Variants in SLC44A3 observed in about 807,000 individuals in gnomAD.
SLC44A3 encodes choline transporter-like protein 3.
A neutral mutation model predicts 75.4 loss-of-function variants in SLC44A3; 74 were observed. The ratio of observed to expected loss-of-function variants is 0.98; its 90% CI spans 0.81 to 1.19. The LOEUF (loss-of-function observed/expected upper bound fraction) is 1.19, where lower values mean the gene tolerates loss of function less well. SLC44A3 is among the 50% of genes most tolerant of loss of function. The pLI, the probability that SLC44A3 is intolerant of heterozygous loss-of-function variation, is 0.00. For synonymous variants in SLC44A3, 310 were observed against 296.9 expected (o/e 1.04, Z -0.45); for missense variants, 700 against 778.6 (o/e 0.90, Z 1.20).
At chr1:94,879,744 C>T (rs1668740381) in intron 12 of SLC44A3, among the ~76,000 whole-genome samples, 1 of 148,012 alleles carries the variant, frequency 6.8e-6, no homozygotes, top group Admixed American at 6.8e-5. Flanking sequence ...GAGGCTGAGG[C>T]AGGAAAATGG....
intron 11 of SLC44A3, among the ~76,000 whole-genome samples, chr1:94,865,674 G>A (rs1348084414): frequency 3.3e-5 from 5 of 152,172 alleles, no homozygotes; most frequent in African/African-American, 1.2e-4. Flanking sequence ...CAAGTCTTCT[G>A]TTCTCACACA....
intron 12 of SLC44A3, among the ~76,000 whole-genome samples, chr1:94,888,466 G>C (rs1422986540): frequency 1.3e-5 from 2 of 152,126 alleles, no homozygotes; most frequent in East Asian, 3.9e-4. Flanking sequence ...GAAAACCCAA[G>C]ATGATTGAAG....
At position 94,865,858 on chromosome 1, in the gene SLC44A3, A is replaced by G. The variant is rs575883300; in HGVS notation, c.1395+959A>G. 2.4e-3 allele frequency among the ~76,000 whole-genome samples: 371 copies of G among 152,342 alleles called. 2 individuals are homozygous for G. In the Middle Eastern group the frequency reaches 0.048, roughly 20 times the overall value. ...GTTTTCATTTACTTTTTAAAAAGAT[A>G]TCTGAATTGTTGATATTTTAAAATC... On this transcript the variant is annotated intron_variant, in intron 11 of 14. Transcript: ENST00000271227.
chr1:94,881,103 G>A (rs6700314), intron 12 of SLC44A3, among the ~76,000 whole-genome samples: 8,459 of 152,168 alleles, frequency 0.056, 347 homozygotes, highest in South Asian at 0.11. Context: ...AATTATAAAC[G>A]TTTTTCACTG....
intron 6 of SLC44A3, among the ~76,000 whole-genome samples, 170 bp from the exon 7 acceptor site, chr1:94,839,778 G>A (rs1313060760): frequency 3.9e-5 from 6 of 152,096 alleles, no homozygotes; most frequent in African/African-American, 7.2e-5. Flanking sequence ...ACTGCCCCAC[G>A]TATACCTTGT....
At chr1:94,840,150 C>A in intron 7 of SLC44A3, 113 bp downstream of exon 7, 3 of 843,968 alleles carry the variant, frequency 3.6e-6, no homozygotes, top group South Asian at 1.6e-5. Context: ...TAAAGAGTAT[C>A]TAGCCCTGTC....
chr1:94,831,494 G>A lies in SLC44A3; in HGVS notation c.509+2908G>A, dbSNP rs1050847666. Among the ~76,000 whole-genome samples, 34 of 152,188 alleles carry A rather than the reference G, an allele frequency of 2.2e-4. 1 individual carries two copies. Among genetic ancestry groups the A allele is most frequent in the African/African-American group, 7.2e-4 (30 of 41,436 alleles). On this transcript the variant is annotated intron_variant, in intron 5 of 14. Transcript: ENST00000271227. ...GTCTGTCGGTCATGTGAGGTATAAC[G>A]TACCCTTTTCGAGTAATGGCTAAAT...
intron 3 of SLC44A3, 98 bp from the exon 4 acceptor site, chr1:94,827,409 C>T (rs892553472): frequency 4.1e-6 from 6 of 1,452,462 alleles, no homozygotes; most frequent in Non-Finnish European, 5.7e-6. Flanking sequence ...CTGGGTGATC[C>T]CTGCATTTGA....
chr1:94,859,306 G>C lies in SLC44A3; in HGVS notation c.1238+1806G>C, dbSNP rs77275233. ...TCTCCTAATCTCTTCCCTTTCTCCA[G>C]CCACTCAAAAAATCATGAAAGATTG... On this transcript the variant is annotated intron_variant, in intron 10 of 14. Coordinates refer to ENST00000271227, the MANE Select transcript of SLC44A3 (RefSeq NM_001114106.3). 7.5e-3 allele frequency among the ~76,000 whole-genome samples: 1,143 copies of C among 152,212 alleles called. 9 individuals carry two copies. Among genetic ancestry groups the C allele is most frequent in the Non-Finnish European group, 0.011 (738 of 68,018 alleles).
At chr1:94,842,145 A>C in intron 8 of SLC44A3, 21 bp downstream of exon 8, 1 of 1,586,312 alleles carries the variant, frequency 6.3e-7, no homozygotes, top group Non-Finnish European at 8.6e-7. Flanking sequence ...CTCTTCTAGC[A>C]GTAGGTCAGG....
intron 12 of SLC44A3, among the ~76,000 whole-genome samples, chr1:94,875,974 G>T (rs1423140919): frequency 6.6e-6 from 1 of 152,246 alleles, no homozygotes; most frequent in Non-Finnish European, 1.5e-5. Context: ...TCATAAAGAA[G>T]GAAGCAGGTG....
intron 12 of SLC44A3, among the ~76,000 whole-genome samples, chr1:94,887,158 C>T (rs1339181578): frequency 6.6e-6 from 1 of 152,114 alleles, no homozygotes; most frequent in Non-Finnish European, 1.5e-5. Context: ...ATCCTGAGTT[C>T]TGTCATCCCA....
At chr1:94,866,818 T>G (rs1181892803) in intron 11 of SLC44A3, among the ~76,000 whole-genome samples, 1 of 152,148 alleles carries the variant, frequency 6.6e-6, no homozygotes, top group Non-Finnish European at 1.5e-5. Flanking sequence ...AAAGGAGTAA[T>G]TTATCCCTCG....
intron 9 of SLC44A3, among the ~76,000 whole-genome samples, chr1:94,853,776 C>G (rs1241316798): frequency 6.6e-6 from 1 of 151,644 alleles, no homozygotes; most frequent in Non-Finnish European, 1.5e-5. Flanking sequence ...ATTTATAAAA[C>G]AGTTGGGCAG....
chr1:94,826,845 G>A (rs191080152), intron 3 of SLC44A3, among the ~76,000 whole-genome samples: 3 of 152,242 alleles, frequency 2.0e-5, no homozygotes, highest in African/African-American at 7.2e-5. Flanking sequence ...GCAGCCTACG[G>A]GGTCTTCCTC....
chr1:94,836,913 CAAAAAAAA>C (rs56149444), intron 5 of SLC44A3: 76,798 of 125,586 alleles, frequency 0.61, 20,328 homozygotes, highest in East Asian at 0.72. Flanking sequence ...CCTGTCTCAA[CAAAAAAAA>C]AAAAAAAAAA....
In SLC44A3 at chr1:94,853,334, G is replaced by A. The variant is rs142871601; in HGVS notation, c.1073-4001G>A. On this transcript the variant is annotated intron_variant, in intron 9 of 14. Transcript: ENST00000271227. ...GGAGTAGGTGAAGAGAAAGTGGGAG[G>A]AAAAGAATTGGAAAGAGTAAGTATA... 7.4e-3 allele frequency among the ~76,000 whole-genome samples: 1,134 copies of A among 152,242 alleles called. 8 individuals carry two copies. Among genetic ancestry groups the A allele is most frequent in the Non-Finnish European group, 0.011 (726 of 68,008 alleles).
chr1:94,835,965 C>T (rs1018258117), intron 5 of SLC44A3, among the ~76,000 whole-genome samples: 3 of 152,268 alleles, frequency 2.0e-5, no homozygotes, highest in South Asian at 4.2e-4. Flanking sequence ...CAAAAAACAC[C>T]GTTTGTGTTA....
At chr1:94,826,831 A>G (rs11165253) in intron 3 of SLC44A3, among the ~76,000 whole-genome samples, 25,006 of 152,082 alleles carry the variant, frequency 0.16, 2,253 homozygotes, top group African/African-American at 0.22. Flanking sequence ...CTCTCCCATA[A>G]AGGGCAGCCT....
Sources: allele counts gnomAD v4.1 joint callset (sites outside exome capture counted in the v4.1 genomes callset), GRCh38; gene constraint gnomAD v4.1.1; transcripts MANE v1.5; gene names NCBI Gene and HGNC (gene_info 2026-07-23, HGNC 2026-07-21).